ABHD17C: variants seen among roughly 807,000 people sequenced by gnomAD.
The protein encoded by ABHD17C is alpha/beta hydrolase domain-containing protein 17C.
ABHD17C carries 11 observed loss-of-function variants against 27.9 expected under a neutral mutation model. The ratio of observed to expected loss-of-function variants is 0.39; its 90% CI spans 0.25 to 0.65. ABHD17C has a LOEUF of 0.65. Among genes scored for constraint, ABHD17C ranks in the 30% least tolerant of loss-of-function variants. The pLI is 0.45. For synonymous variants in ABHD17C, 233 were observed against 209.1 expected (o/e 1.11, Z -0.98); for missense variants, 280 against 470.2 (o/e 0.60, Z 3.74).
At chr15:80,738,048 A>G (rs1352975098) in intron 1 of ABHD17C, among the ~76,000 whole-genome samples, 2 of 151,948 alleles carry the variant, frequency 1.3e-5, no homozygotes, top group African/African-American at 2.4e-5. Context: ...GACAGTTTAT[A>G]TAGATAGAAT....
At chr15:80,718,163 C>T (rs1894835125) in intron 1 of ABHD17C, among the ~76,000 whole-genome samples, 1 of 151,980 alleles carries the variant, frequency 6.6e-6, no homozygotes, top group African/African-American at 2.4e-5. Context: ...TCTAACAGTC[C>T]CATGCTTTTG....
intron 1 of ABHD17C, among the ~76,000 whole-genome samples, chr15:80,725,673 T>C (rs903287166): frequency 1.3e-5 from 2 of 152,076 alleles, no homozygotes; most frequent in African/African-American, 4.8e-5. Context: ...CCACCGTGAC[T>C]AGCTAATTTT....
intron 1 of ABHD17C, among the ~76,000 whole-genome samples, chr15:80,728,262 G>T (rs919003513): frequency 6.6e-6 from 1 of 152,176 alleles, no homozygotes; most frequent in Non-Finnish European, 1.5e-5. Context: ...GTATGAACAC[G>T]TGCACGCACA....
intron 1 of ABHD17C, among the ~76,000 whole-genome samples, chr15:80,724,789 C>G (rs779751721): frequency 1.2e-4 from 19 of 152,108 alleles, no homozygotes; most frequent in Non-Finnish European, 2.8e-4. Context: ...GTTCCCTCCT[C>G]CTATTATTCA....
intron 1 of ABHD17C, among the ~76,000 whole-genome samples, chr15:80,733,314 C>T (rs970228575): frequency 6.6e-6 from 1 of 152,132 alleles, no homozygotes; most frequent in African/African-American, 2.4e-5. Context: ...GGGCCTCAGA[C>T]GATGGCATCA....
In ABHD17C at chr15:80,749,708, T is replaced by C; in HGVS notation, c.770+16T>C. ...CTTTCCCCAGGTAAGTTCATGCTTG[T>C]CCAACAAGTGGTAAGTCAGCCAATG... On this transcript the variant is annotated intron_variant, in intron 2 of 2. Coordinates refer to ENST00000258884, the MANE Select transcript of ABHD17C (RefSeq NM_021214.2). 6.2e-7 allele frequency: 1 copy of C among 1,611,708 alleles called. No homozygotes were observed. Among genetic ancestry groups the C allele is most frequent in the Non-Finnish European group, 8.5e-7 (1 of 1,178,066 alleles).
Position 80,695,584 on chromosome 15 carries a change from C to T in ABHD17C, c.155C>T (p.Ala52Val). The T allele has an allele frequency of 1.8e-6, 2 of 1,109,188 alleles. No individual in the cohort carries two copies. Among genetic ancestry groups the T allele is most frequent in the Non-Finnish European group, 2.2e-6 (2 of 909,314 alleles). The allele number at this position is 1,109,188 out of a possible 1,614,324, so 68.7% of individuals were successfully genotyped here. ...YTVLAPEQRGAGASAPAPAQA... is the reference protein window; with the variant it reads ...YTVLAPEQRGVGASAPAPAQA... ...GTGCTGGCGCCGGAGCAGCGCGGCG[C>T]CGGCGCGTCCGCCCCGGCCCCGGCC... The change falls in exon 1 of 3, where the codon GCC becomes GTC. Residue 52 changes from alanine (A) to valine (V), a missense_variant. This residue lies in a region of ABHD17C where 74 missense variants were observed against 75.5 expected (regional missense o/e 0.98). Coordinates refer to ENST00000258884, the MANE Select transcript of ABHD17C (RefSeq NM_021214.2). The surrounding 1 kb of genome is among the most constrained non-coding windows in gnomAD (Gnocchi z 4.3).
At chr15:80,700,856 G>T (rs1894561916) in intron 1 of ABHD17C, among the ~76,000 whole-genome samples, 1 of 152,146 alleles carries the variant, frequency 6.6e-6, no homozygotes, top group South Asian at 2.1e-4. Context: ...AGCTGTGATT[G>T]CGCCACTGCT....
intron 1 of ABHD17C, among the ~76,000 whole-genome samples, chr15:80,731,048 A>G (rs185445954): frequency 2.6e-4 from 40 of 152,314 alleles, no homozygotes; most frequent in African/African-American, 9.4e-4. Context: ...TTAAAAGGAA[A>G]TGGAAGAGTC....
intron 2 of ABHD17C, 43 bp downstream of exon 2, chr15:80,749,735 CTG>C: frequency 6.4e-7 from 1 of 1,574,180 alleles, no homozygotes; most frequent in Non-Finnish European, 8.7e-7. Flanking sequence ...CAGCCAATGA[CTG>C]TGTTTATATC....
chr15:80,750,758 C>T (rs57550986), intron 2 of ABHD17C, among the ~76,000 whole-genome samples: 17,260 of 151,948 alleles, frequency 0.11, 1,324 homozygotes, highest in East Asian at 0.28. Flanking sequence ...GGCTAATGTG[C>T]CTCTCAAATG....
At chr15:80,701,848 C>A (rs149506572) in intron 1 of ABHD17C, among the ~76,000 whole-genome samples, 93 of 152,204 alleles carry the variant, frequency 6.1e-4, no homozygotes, top group Non-Finnish European at 4.7e-4. Flanking sequence ...TAGGCATAGT[C>A]CGTTTTGGGG....
intron 1 of ABHD17C, among the ~76,000 whole-genome samples, chr15:80,731,861 A>C (rs1413349685): frequency 2.0e-5 from 3 of 152,052 alleles, no homozygotes; most frequent in Admixed American, 1.3e-4. Flanking sequence ...TTTTTTTAAA[A>C]ATTGTGGTAA....
chr15:80,716,506 G>A (rs1894805554), intron 1 of ABHD17C, among the ~76,000 whole-genome samples: 1 of 152,146 alleles, frequency 6.6e-6, no homozygotes, highest in African/African-American at 2.4e-5. Context: ...CCTGGCAATA[G>A]AAGAGCTACG....
chr15:80,709,643 A>G (rs1483659231), intron 1 of ABHD17C, among the ~76,000 whole-genome samples: 2 of 151,984 alleles, frequency 1.3e-5, no homozygotes, highest in African/African-American at 4.8e-5. Context: ...TGTAGTGTGA[A>G]TATCCTGGGC....
chr15:80,705,413 C>A (rs916365330), intron 1 of ABHD17C, among the ~76,000 whole-genome samples: 9 of 143,064 alleles, frequency 6.3e-5, no homozygotes, highest in Admixed American at 3.7e-4. Context: ...ATTTTAGGTC[C>A]TGCCTGTGAT....
intron 1 of ABHD17C, 47 bp downstream of exon 1, chr15:80,696,066 CG>C: frequency 1.4e-6 from 2 of 1,447,532 alleles, no homozygotes. Flanking sequence ...TGTGGGGAGG[CG>C]GGGTGGGGGT....
intron 1 of ABHD17C, among the ~76,000 whole-genome samples, chr15:80,743,344 C>T (rs1449692747): frequency 1.3e-5 from 2 of 152,062 alleles, no homozygotes; most frequent in Non-Finnish European, 2.9e-5. Context: ...TCACCCACTA[C>T]CGGCTGTGTA....
intron 1 of ABHD17C, among the ~76,000 whole-genome samples, chr15:80,735,002 C>T (rs1342989202): frequency 1.3e-5 from 2 of 152,156 alleles, no homozygotes; most frequent in Non-Finnish European, 2.9e-5. Flanking sequence ...CGCATGGGAC[C>T]TGGGCCTTCC....
Sources: allele counts gnomAD v4.1 joint callset (sites outside exome capture counted in the v4.1 genomes callset), GRCh38; gene constraint gnomAD v4.1.1; regional missense constraint gnomAD v4.1.1; non-coding constraint Gnocchi (gnomAD v3.1); transcripts MANE v1.5; gene names NCBI Gene and HGNC (gene_info 2026-07-23, HGNC 2026-07-21).